The following STRBP variants were observed in gnomAD, a reference collection of about 807,000 sequenced individuals.
The protein encoded by STRBP is spermatid perinuclear RNA binding protein, also known as spermatid perinuclear RNA-binding protein.
STRBP carries 13 observed loss-of-function variants against 80.1 expected under a neutral mutation model. The ratio of observed to expected loss-of-function variants is 0.16; its 90% CI spans 0.11 to 0.26. The LOEUF is 0.26. Among genes scored for constraint, STRBP ranks in the 10% least tolerant of loss-of-function variants. The probability of loss-of-function intolerance (pLI) is 1.00; values close to 1 mark genes in which losing one functional copy is unlikely to be tolerated. For missense variants in STRBP, 485 were observed against 815.2 expected, an observed-to-expected ratio of 0.59 and a Z score of 4.93; for synonymous variants, 284 against 291.2, an observed-to-expected ratio of 0.98 and a Z score of 0.25.
intron 2 of STRBP, among the ~76,000 whole-genome samples, chr9:123,229,200 G>A (rs1295295178): frequency 1.3e-5 from 2 of 152,178 alleles, no homozygotes; most frequent in African/African-American, 4.8e-5. Context: ...ACAGGGAGTG[G>A]CCACTAAGGG....
At chr9:123,149,285 C>T (rs1245995762) in intron 11 of STRBP, among the ~76,000 whole-genome samples, 1 of 152,230 alleles carries the variant, frequency 6.6e-6, no homozygotes, top group African/African-American at 2.4e-5. Flanking sequence ...TTCTCTTCAA[C>T]AGAAGGCAAC....
Position 123,170,024 on chromosome 9 carries a change from T to G in STRBP, c.413A>C (p.Gln138Pro), listed in dbSNP as rs2037941174. 1 of 1,608,566 alleles carries G rather than the reference T, an allele frequency of 6.2e-7. No homozygotes were observed. Among genetic ancestry groups the G allele is most frequent in the Non-Finnish European group, 8.5e-7 (1 of 1,178,254 alleles). ...TGCCTCATTTACACATTGTTCCACTTGATATTTCTCTTCTGTGAGTTTCTG... is the reference window on the plus strand; with the variant it reads ...TGCCTCATTTACACATTGTTCCACTGGATATTTCTCTTCTGTGAGTTTCTG... Reference protein sequence around the residue: ...QIQKLTEEKYQVEQCVNEASI... With the variant: ...QIQKLTEEKYPVEQCVNEASI... The change falls in exon 6 of 19, where the codon CAA (glutamine) becomes CCA (proline). Residue 138 changes from glutamine to proline, a missense_variant. By Grantham distance (76) the Gln-to-Pro change is moderately conservative. This residue lies in a region of STRBP where 377 missense variants were observed against 616.1 expected (regional missense o/e 0.61). Transcript: ENST00000348403.
At chr9:123,239,358 G>A (rs1407348339) in intron 1 of STRBP, among the ~76,000 whole-genome samples, 2 of 151,944 alleles carry the variant, frequency 1.3e-5, no homozygotes, top group African/African-American at 4.8e-5. Flanking sequence ...CTGGGTGACA[G>A]AGCGAGACTC....
At chr9:123,251,299 A>G (rs2040912066) in intron 1 of STRBP, among the ~76,000 whole-genome samples, 1 of 152,216 alleles carries the variant, frequency 6.6e-6, no homozygotes, top group African/African-American at 2.4e-5. Context: ...TACTGAGCCC[A>G]TCGCAAATGT....
intron 3 of STRBP, chr9:123,109,912 GA>G (rs2035536474): frequency 6.6e-6 from 1 of 152,186 alleles, no homozygotes; most frequent in Non-Finnish European, 1.5e-5. Flanking sequence ...TGCGTATTCA[GA>G]AAAACACAGT....
chr9:123,194,691 C>A (rs1218031927), intron 2 of STRBP, among the ~76,000 whole-genome samples: 1 of 152,072 alleles, frequency 6.6e-6, no homozygotes. Flanking sequence ...TTGTCAAGGT[C>A]CCCTAGGATT....
intron 1 of STRBP, among the ~76,000 whole-genome samples, chr9:123,238,949 C>T (rs898086677): frequency 4.6e-5 from 7 of 152,064 alleles, no homozygotes; most frequent in African/African-American, 1.7e-4. Context: ...AAGGTAAATT[C>T]GATCATAACA....
rs1303819578 is a variant in STRBP at position 123,126,258 on chromosome 9, A to G, written c.1943-585T>C. Among the ~76,000 whole-genome samples, 1 of 152,266 alleles carries G rather than the reference A, an allele frequency of 6.6e-6. No homozygotes were observed. Among genetic ancestry groups the G allele is most frequent in the African/African-American group, 2.4e-5 (1 of 41,468 alleles). ...GAAATCTGCTCCTCTTCCTATGCTA[A>G]TATTTAACCTATGGAGAAATCACAA... is the stretch of plus-strand genomic sequence containing the variant. On this transcript the variant is annotated intron_variant, in intron 18 of 18. Transcript: ENST00000348403. The surrounding 1 kb of genome is among the most constrained non-coding windows in gnomAD (Gnocchi z 4.4).
At chr9:123,260,503 A>T (rs1027823463) in intron 1 of STRBP, among the ~76,000 whole-genome samples, 2 of 152,234 alleles carry the variant, frequency 1.3e-5, no homozygotes, top group African/African-American at 4.8e-5. Flanking sequence ...AAGCTCAGAG[A>T]GAGTAAATAA....
At chr9:123,131,779 C>T (rs2036149086) in intron 17 of STRBP, among the ~76,000 whole-genome samples, 1 of 152,208 alleles carries the variant, frequency 6.6e-6, no homozygotes, top group Non-Finnish European at 1.5e-5. Context: ...AGCAGGCACA[C>T]TCCTTGAGCA....
intron 16 of STRBP, among the ~76,000 whole-genome samples, chr9:123,134,430 A>G (rs886880172): frequency 6.6e-6 from 1 of 152,186 alleles, no homozygotes; most frequent in Admixed American, 6.5e-5. Flanking sequence ...ATGAATGGGC[A>G]GGAGACAGTT....
chr9:123,160,565 A>G, intron 7 of STRBP, 103 bp from the exon 8 acceptor site: 1 of 667,876 alleles, frequency 1.5e-6, no homozygotes, highest in African/African-American at 3.6e-5. Context: ...TTCATCAGTT[A>G]TCAGGCAAAC....
At chr9:123,179,845 T>A (rs2038378299) in intron 3 of STRBP, among the ~76,000 whole-genome samples, 1 of 152,230 alleles carries the variant, frequency 6.6e-6, no homozygotes, top group Non-Finnish European at 1.5e-5. Flanking sequence ...TCTGCAAGAA[T>A]TAGATACTTC....
At chr9:123,227,553 CT>C (rs372469553) in intron 2 of STRBP, among the ~76,000 whole-genome samples, 2,582 of 130,234 alleles carry the variant, frequency 0.02, 38 homozygotes, top group South Asian at 0.078. Flanking sequence ...ATTGTTTTCT[CT>C]TTTTTTTTTT....
chr9:123,116,128 G>A (rs2132278569), intron 2 of STRBP: 1 of 455,726 alleles, frequency 2.2e-6, no homozygotes, highest in Middle Eastern at 3.3e-4. Context: ...TTAGAAAGCT[G>A]AGACTTCCGA....
At position 123,110,688 on chromosome 9, in the gene STRBP, G is replaced by T. The variant is rs889594304; in HGVS notation, c.*85-935C>A. The T allele has an allele frequency of 5.7e-4, 96 of 169,348 alleles. No individual in the cohort carries two copies. The highest frequency in any genetic ancestry group is 2.2e-3 in the African/African-American group (91 of 41,532). 10.5% of individuals were successfully genotyped at this position (169,348 alleles called of 1,614,324 possible). A position where few individuals can be genotyped will look rare whatever the true frequency, so the allele number is the denominator to read the frequency against. On this transcript the variant is annotated intron_variant and NMD_transcript_variant, in intron 3 of 3. Transcript: ENST00000471564. This position sits in a 1 kb window ranked among gnomAD's most constrained non-coding sequence, Gnocchi z 4.1. ...AAAGGACGTCCACCTGGAGGCTGGA[G>T]ACAGCTCCTCAGAGAGCCAGAGCTA...
At chr9:123,258,010 A>G (rs1461681303) in intron 1 of STRBP, among the ~76,000 whole-genome samples, 1 of 152,110 alleles carries the variant, frequency 6.6e-6, no homozygotes, top group Non-Finnish European at 1.5e-5. Flanking sequence ...CTCATGAAGA[A>G]AAACAGAAAT....
At chr9:123,190,958 A>C (rs1182052117) in intron 2 of STRBP, among the ~76,000 whole-genome samples, 1 of 152,224 alleles carries the variant, frequency 6.6e-6, no homozygotes, top group Non-Finnish European at 1.5e-5. Flanking sequence ...CATTTCAACA[A>C]GTATTTACCG....
chr9:123,166,337 T>C (rs116069280), intron 6 of STRBP, among the ~76,000 whole-genome samples: 129 of 152,342 alleles, frequency 8.5e-4, no homozygotes, highest in African/African-American at 3.1e-3. Flanking sequence ...AACTACTTTG[T>C]GCCAGTTATT....
Sources: allele counts gnomAD v4.1 joint callset (sites outside exome capture counted in the v4.1 genomes callset), GRCh38; gene constraint gnomAD v4.1.1; regional missense constraint gnomAD v4.1.1; non-coding constraint Gnocchi (gnomAD v3.1); transcripts MANE v1.5; gene names NCBI Gene and HGNC (gene_info 2026-07-23, HGNC 2026-07-21).